The following FHOD3 variants were observed in gnomAD, a reference collection of about 807,000 sequenced individuals.
FHOD3 encodes FH1/FH2 domain-containing protein 3.
A neutral mutation model predicts 173.0 loss-of-function variants in FHOD3; 90 were observed. That is an observed-to-expected ratio of 0.52 (90% CI 0.44 to 0.62). FHOD3 has a LOEUF of 0.62. Ranked by LOEUF, FHOD3 falls within the 20% of genes least tolerant of loss-of-function variation. FHOD3 has a pLI of 0.00. For missense variants in FHOD3, 1,945 were observed against 2,034.7 expected (o/e 0.96, Z 0.85); for synonymous variants, 828 against 823.0 (o/e 1.01, Z -0.10).
intron 16 of FHOD3, 117 bp from the exon 17 acceptor site, chr18:36,693,092 C>A: frequency 9.8e-7 from 1 of 1,016,588 alleles, no homozygotes; most frequent in Non-Finnish European, 1.5e-6. Context: ...GCCAGCCCTG[C>A]ACTGTGCTGT....
intron 5 of FHOD3, among the ~76,000 whole-genome samples, chr18:36,552,789 C>T (rs563074331): frequency 9.9e-5 from 15 of 152,194 alleles, no homozygotes; most frequent in Admixed American, 2.6e-4. Context: ...TGAGCCACTG[C>T]GCCCGGCCAA....
intron 13 of FHOD3, among the ~76,000 whole-genome samples, chr18:36,657,290 C>T (rs985725076): frequency 6.6e-6 from 1 of 152,212 alleles, no homozygotes; most frequent in Non-Finnish European, 1.5e-5. Context: ...TCCTGAGTGT[C>T]TGAGCCCATG....
chr18:36,342,852 T>C (rs1299296871), intron 1 of FHOD3, among the ~76,000 whole-genome samples: 1 of 152,200 alleles, frequency 6.6e-6, no homozygotes, highest in Non-Finnish European at 1.5e-5. Context: ...AATTTTAAAA[T>C]GGGCAAAGGA....
chr18:36,389,034 T>C (rs544262775), intron 3 of FHOD3, among the ~76,000 whole-genome samples: 4 of 152,332 alleles, frequency 2.6e-5, no homozygotes, highest in Admixed American at 6.5e-5. Context: ...GCGGTCAGCC[T>C]GCCAGTGTTT....
At chr18:36,315,550 C>T (rs879577301) in intron 1 of FHOD3, among the ~76,000 whole-genome samples, 2 of 151,984 alleles carry the variant, frequency 1.3e-5, no homozygotes, top group Non-Finnish European at 2.9e-5. Flanking sequence ...TTAAGGGGTC[C>T]TGGGGGGCTC....
At position 36,482,858 on chromosome 18, in the gene FHOD3, C is replaced by CAGAGAG. The variant is rs138052316; in HGVS notation, c.338-19042_338-19037dup. Among the ~76,000 whole-genome samples the CAGAGAG allele has an allele frequency of 5.0e-3, 647 of 130,434 alleles. 7 individuals carry two copies. The highest frequency in any genetic ancestry group is 0.018 in the African/African-American group (568 of 32,232). The allele number at this position is 130,434 out of a possible 152,430, so 85.6% of individuals were successfully genotyped here. A position where few individuals can be genotyped will look rare whatever the true frequency, so the allele number is the denominator to read the frequency against. On this transcript the variant is annotated intron_variant, in intron 3 of 28. Transcript: ENST00000590592. Reference sequence around the variant, plus strand: ...ACACACACACACACTCACACACACACAGAGAGAGAGAGAGAGAGAGAGAGA... The same window carrying CAGAGAG: ...ACACACACACACACTCACACACACACAGAGAGAGAGAGAGAGAGAGAGAGAGAGAGA...
At chr18:36,769,973 A>G (rs1349682233) in intron 28 of FHOD3, among the ~76,000 whole-genome samples, 1 of 152,196 alleles carries the variant, frequency 6.6e-6, no homozygotes, top group Non-Finnish European at 1.5e-5. Flanking sequence ...TTTTCCCACC[A>G]AATAGAGGAT....
intron 3 of FHOD3, among the ~76,000 whole-genome samples, chr18:36,494,577 A>C (rs1338567494): frequency 6.6e-6 from 1 of 152,198 alleles, no homozygotes; most frequent in African/African-American, 2.4e-5. Context: ...GCCAAGTGCA[A>C]GCTGTACTTA....
In FHOD3 at chr18:36,380,573, TTTTCTTTTCCTTTCC is replaced by T. The variant is rs1298906149; in HGVS notation, c.337+7834_337+7848del. Reference sequence around the variant, plus strand: ...TTTTGTTTTCTTTTCTTTTCTTTTCTTTTCTTTTCCTTTCCTTTCCTTTCCTTTCCTTTCCTTTCC... The same window carrying T: ...TTTTGTTTTCTTTTCTTTTCTTTTCTTTTCCTTTCCTTTCCTTTCCTTTCC... On this transcript the variant is annotated intron_variant, in intron 3 of 28. Transcript: ENST00000590592. Among the ~76,000 whole-genome samples the T allele has an allele frequency of 5.1e-3, 407 of 79,932 alleles. 1 individual carries two copies. The highest frequency in any genetic ancestry group is 0.013 in the East Asian group (16 of 1,254). 52.4% of individuals were successfully genotyped at this position (79,932 alleles called of 152,430 possible). A position where few individuals can be genotyped will look rare whatever the true frequency, so the allele number is the denominator to read the frequency against.
At chr18:36,768,947 AGACAACACACCTGGG>A (rs2150366127) in intron 27 of FHOD3, among the ~76,000 whole-genome samples, 1 of 152,278 alleles carries the variant, frequency 6.6e-6, no homozygotes, top group South Asian at 2.1e-4. Flanking sequence ...TGGCAGGTAA[AGACAACACACCTGGG>A]TTGGAGAGTT....
rs1400821892 is a variant in FHOD3, at chr18:36,660,439, G to A, written c.1835+2251G>A. Among the ~76,000 whole-genome samples, 5 of 152,294 alleles carry A rather than the reference G, an allele frequency of 3.3e-5. No individual in the cohort carries two copies. The South Asian group carries it at 6.2e-4, about 19-fold the overall frequency. ...TAGTAGCATAGAACAAGCCACTGGG[G>A]TGAGGCTGCAGGAACAAGGGCTGCC... On this transcript the variant is annotated intron_variant, in intron 14 of 28. Transcript: ENST00000590592.
chr18:36,780,084 A>T lies in FHOD3; in HGVS notation c.*554A>T, dbSNP rs2043965754. On this transcript the variant is annotated 3_prime_UTR_variant, in exon 29 of 29. Coordinates refer to ENST00000590592, the MANE Select transcript of FHOD3 (RefSeq NM_001281740.3). The stretch of plus-strand genomic sequence containing the variant: ...ATGAGAAACTTTTATTCTTCTGGGA[A>T]CAGGACCTTAAACAGTTCCACAGGC... 8.6e-7 allele frequency: 1 copy of T among 1,162,678 alleles called. No homozygotes were observed. Among genetic ancestry groups the T allele is most frequent in the South Asian group, 4.4e-5 (1 of 22,970 alleles). The allele number at this position is 1,162,678 out of a possible 1,614,324, so 72.0% of individuals were successfully genotyped here.
At chr18:36,743,989 G>C (rs376511225) in intron 22 of FHOD3, 43 bp from the exon 23 acceptor site, 30 of 1,610,348 alleles carry the variant, frequency 1.9e-5, no homozygotes, top group Admixed American at 8.4e-5. Context: ...TATTCTCTAA[G>C]AGCCTGCTTG....
At chr18:36,692,790 AT>A (rs1438524836) in intron 16 of FHOD3, among the ~76,000 whole-genome samples, 2 of 152,026 alleles carry the variant, frequency 1.3e-5, no homozygotes, top group African/African-American at 2.4e-5. Context: ...TATGGGGGGC[AT>A]TTTTTTTCTC....
At chr18:36,422,438 G>A (rs1430921688) in intron 3 of FHOD3, among the ~76,000 whole-genome samples, 1 of 152,202 alleles carries the variant, frequency 6.6e-6, no homozygotes, top group Non-Finnish European at 1.5e-5. Context: ...CAATGCTGCA[G>A]TGAATAACGT....
intron 3 of FHOD3, among the ~76,000 whole-genome samples, chr18:36,430,554 G>A (rs2050483958): frequency 6.6e-6 from 1 of 152,180 alleles, no homozygotes; most frequent in Admixed American, 6.5e-5. Context: ...TTTAATTCCT[G>A]CAAGTCTGAC....
At chr18:36,452,426 A>G (rs1568290086) in intron 3 of FHOD3, among the ~76,000 whole-genome samples, 2 of 152,230 alleles carry the variant, frequency 1.3e-5, no homozygotes, top group Non-Finnish European at 2.9e-5. Context: ...ACATTTGCAG[A>G]CTAGACACTT....
At chr18:36,494,736 C>T (rs2054650475) in intron 3 of FHOD3, among the ~76,000 whole-genome samples, 1 of 152,206 alleles carries the variant, frequency 6.6e-6, no homozygotes. Flanking sequence ...GGGGGGACCT[C>T]TTTGCACACC....
intron 13 of FHOD3, among the ~76,000 whole-genome samples, chr18:36,654,921 G>A (rs1211541225): frequency 6.6e-6 from 1 of 152,136 alleles, no homozygotes; most frequent in African/African-American, 2.4e-5. Flanking sequence ...GACCCTAGGA[G>A]CAGCATGGGA....
Sources: gnomAD v4.1 joint callset for allele counts (sites outside exome capture counted in the v4.1 genomes callset) on GRCh38, gnomAD v4.1.1 for gene constraint, MANE v1.5 for transcripts, NCBI Gene and HGNC (gene_info 2026-07-23, HGNC 2026-07-21) for gene names.